The following DCLK1 variants were observed in gnomAD, a reference collection of about 807,000 sequenced individuals.
The protein encoded by DCLK1 is serine/threonine-protein kinase DCLK1.
In DCLK1, 16 loss-of-function variants were observed where a neutral mutation model predicts 86.2. The ratio of observed to expected loss-of-function variants is 0.19; its 90% CI spans 0.13 to 0.28. The LOEUF (loss-of-function observed/expected upper bound fraction) is 0.28. DCLK1 is among the 10% of genes least tolerant of loss of function. The pLI is 1.00. For missense variants in DCLK1, 590 were observed against 940.2 expected (o/e 0.63, Z 4.87); for synonymous variants, 369 against 370.5 (o/e 1.00, Z 0.05).
At chr13:35,815,936 G>A (rs9545445) in intron 11 of DCLK1, among the ~76,000 whole-genome samples, 7 of 152,020 alleles carry the variant, frequency 4.6e-5, no homozygotes, top group Admixed American at 3.3e-4. Flanking sequence ...GTAATTAAAC[G>A]AAAAAGTAAA....
intron 12 of DCLK1, 42 bp from the exon 13 acceptor site, chr13:35,809,137 G>A (rs774141108): frequency 1.9e-5 from 29 of 1,525,522 alleles, no homozygotes; most frequent in Non-Finnish European, 2.4e-5. Context: ...GGTCAGGCTC[G>A]GACAAATTAT....
intron 3 of DCLK1, among the ~76,000 whole-genome samples, chr13:35,958,031 T>TACCACC (rs1304121792): frequency 2.3e-4 from 1 of 4,420 alleles, no homozygotes; most frequent in African/African-American, 9.4e-4. Flanking sequence ...ACACCACAAC[T>TACCACC]ACCACCACCA....
chr13:36,099,393 A>G (rs1174388153), intron 3 of DCLK1, among the ~76,000 whole-genome samples: 1 of 152,238 alleles, frequency 6.6e-6, no homozygotes, highest in Non-Finnish European at 1.5e-5. Context: ...CAAACAGTAC[A>G]AGGACATCCT....
intron 5 of DCLK1, among the ~76,000 whole-genome samples, chr13:35,855,078 T>G (rs1870951065): frequency 6.6e-6 from 1 of 152,248 alleles, no homozygotes; most frequent in Admixed American, 6.5e-5. Context: ...TGCATCCACC[T>G]GTGTCTTGTC....
In DCLK1 at chr13:35,827,657, T is replaced by C; in HGVS notation, c.1385A>G (p.Tyr462Cys). 1.2e-6 allele frequency: 2 copies of C among 1,614,054 alleles called. No homozygotes were observed. The highest frequency in any genetic ancestry group is 1.7e-6 in the Non-Finnish European group (2 of 1,179,992). Reference protein sequence around the residue: ...IEEMDVPTELYLVMELVKGGD... With the variant: ...IEEMDVPTELCLVMELVKGGD... The stretch of plus-strand genomic sequence containing the variant: ...CACCTTTACTAATTCCATGACAAGA[T>C]ACAGTTCAGTTGGCACATCCATCTC... Residue 462 changes from tyrosine to cysteine, a missense_variant, in exon 10 of 17, where the codon TAT becomes TGT. Physicochemically the swap from Tyr to Cys is radical, Grantham distance 194. This residue lies in a region of DCLK1 where 108 missense variants were observed against 195.7 expected (regional missense o/e 0.55). Coordinates refer to ENST00000360631, the MANE Select transcript of DCLK1 (RefSeq NM_001330071.2).
intron 10 of DCLK1, among the ~76,000 whole-genome samples, chr13:35,825,857 G>A (rs2087510340): frequency 2.0e-5 from 3 of 150,772 alleles, no homozygotes; most frequent in African/African-American, 7.3e-5. Flanking sequence ...TTTTTGCCCA[G>A]GCTAGAGTGC....
At chr13:36,061,788 A>G (rs978906136) in intron 3 of DCLK1, among the ~76,000 whole-genome samples, 1 of 152,190 alleles carries the variant, frequency 6.6e-6, no homozygotes, top group Non-Finnish European at 1.5e-5. Flanking sequence ...AAACAACCAA[A>G]CATTTAATAG....
chr13:35,958,284 GCCACTATAACCA>G (rs1398494710), intron 3 of DCLK1, among the ~76,000 whole-genome samples: 1 of 7,372 alleles, frequency 1.4e-4, no homozygotes, highest in African/African-American at 5.4e-4. Context: ...CACCATCACT[GCCACTATAACCA>G]CTATAATAAA....
At chr13:36,042,434 C>T (rs1287524144) in intron 3 of DCLK1, among the ~76,000 whole-genome samples, 4 of 152,142 alleles carry the variant, frequency 2.6e-5, no homozygotes, top group African/African-American at 9.7e-5. Flanking sequence ...AATTGCCCAC[C>T]AATGAAACAT....
chr13:36,052,457 G>A (rs1206601780), intron 3 of DCLK1, among the ~76,000 whole-genome samples: 1 of 152,078 alleles, frequency 6.6e-6, no homozygotes, highest in Non-Finnish European at 1.5e-5. Flanking sequence ...CTCAAAATCT[G>A]AGTAATAAAA....
At chr13:35,911,458 A>G (rs1185157734) in intron 4 of DCLK1, among the ~76,000 whole-genome samples, 1 of 152,090 alleles carries the variant, frequency 6.6e-6, no homozygotes, top group African/African-American at 2.4e-5. Flanking sequence ...ATCTCCTGTT[A>G]GAGAGAAGGT....
chr13:35,949,700 C>A (rs908564546), intron 3 of DCLK1, among the ~76,000 whole-genome samples: 2 of 152,162 alleles, frequency 1.3e-5, no homozygotes, highest in African/African-American at 4.8e-5. Flanking sequence ...GGAAAAATAA[C>A]CATCATCAAA....
intron 3 of DCLK1, 97 bp from the exon 4 acceptor site, chr13:35,947,554 C>T: frequency 2.2e-6 from 2 of 925,744 alleles, no homozygotes; most frequent in South Asian, 1.8e-5. Flanking sequence ...CCCCTTCCCA[C>T]CTAATGGAAT....
rs1881940331 is a variant in DCLK1, at chr13:36,024,303, AT to A, written c.724-76847del. On this transcript the variant is annotated intron_variant, in intron 3 of 16. Coordinates refer to ENST00000360631, the MANE Select transcript of DCLK1 (RefSeq NM_001330071.2). ...TGGAAAAGAAGAAATAAAACTCTCT[AT>A]TTTCACATGACATGATCTTGTATCT... Among the ~76,000 whole-genome samples, 3 of 152,080 alleles carry A rather than the reference AT, an allele frequency of 2.0e-5. No homozygotes were observed. In the South Asian group the frequency reaches 6.2e-4, roughly 32 times the overall value.
chr13:35,950,072 G>C (rs998758743), intron 3 of DCLK1, among the ~76,000 whole-genome samples: 3 of 152,174 alleles, frequency 2.0e-5, no homozygotes, highest in Non-Finnish European at 4.4e-5. Context: ...GATGTTTTCC[G>C]TGCTTTCTGT....
chr13:35,787,946 A>G (rs914844358), intron 16 of DCLK1: 2 of 447,270 alleles, frequency 4.5e-6, no homozygotes, highest in African/African-American at 4.0e-5. Flanking sequence ...ATTAGCACTA[A>G]ATATACTGTC....
chr13:35,793,496 A>G lies in DCLK1; in HGVS notation c.1945-17T>C. Reference sequence around the variant, plus strand: ...GCCATCATCCTGGAGAAAAAGAAATAAAGAGAAGAGAAAAAGAAAGAAAAT... The same window carrying G: ...GCCATCATCCTGGAGAAAAAGAAATGAAGAGAAGAGAAAAAGAAAGAAAAT... On this transcript the variant is annotated splice_polypyrimidine_tract_variant and intron_variant, in intron 15 of 16. Coordinates refer to ENST00000360631, the MANE Select transcript of DCLK1 (RefSeq NM_001330071.2). The G allele has an allele frequency of 6.4e-7, 1 of 1,573,030 alleles. No individual in the cohort carries two copies. Among genetic ancestry groups the G allele is most frequent in the Non-Finnish European group, 8.6e-7 (1 of 1,157,516 alleles).
chr13:35,961,818 T>G (rs1376836328), intron 3 of DCLK1, among the ~76,000 whole-genome samples: 3 of 152,238 alleles, frequency 2.0e-5, no homozygotes, highest in Admixed American at 6.5e-5. Context: ...TCTCCTTGTT[T>G]CTGATTTAGA....
intron 5 of DCLK1, among the ~76,000 whole-genome samples, chr13:35,858,500 T>C (rs1289043846): frequency 6.6e-6 from 1 of 152,074 alleles, no homozygotes; most frequent in South Asian, 2.1e-4. Context: ...TTCATTTAGG[T>C]CTTACTCAAA....
Sources: allele counts gnomAD v4.1 joint callset (sites outside exome capture counted in the v4.1 genomes callset), GRCh38; gene constraint gnomAD v4.1.1; regional missense constraint gnomAD v4.1.1; transcripts MANE v1.5; gene names NCBI Gene and HGNC (gene_info 2026-07-23, HGNC 2026-07-21).